Variants in AGTPBP1 observed in about 807,000 individuals in gnomAD.
AGTPBP1 encodes cytosolic carboxypeptidase 1.
In AGTPBP1, 70 loss-of-function variants were observed where a neutral mutation model predicts 143.9. The observed-to-expected ratio is 0.49, with a 90% CI of 0.40 to 0.59. The LOEUF is 0.59. Ranked by LOEUF, AGTPBP1 falls within the 20% of genes least tolerant of loss-of-function variation. AGTPBP1 has a pLI of 0.00. For missense variants in AGTPBP1, 1,229 were observed against 1,464.5 expected, an observed-to-expected ratio of 0.84 and a Z score of 2.62; for synonymous variants, 463 against 500.2, an observed-to-expected ratio of 0.93 and a Z score of 0.99.
intron 17 of AGTPBP1, among the ~76,000 whole-genome samples, chr9:85,604,022 G>T (rs1323571923): frequency 6.6e-6 from 1 of 152,206 alleles, no homozygotes; most frequent in East Asian, 1.9e-4. Context: ...CCTGAATGCT[G>T]TACAGCATTC....
At chr9:85,692,196 T>C (rs937834096) in intron 3 of AGTPBP1, among the ~76,000 whole-genome samples, 1 of 152,168 alleles carries the variant, frequency 6.6e-6, no homozygotes, top group Non-Finnish European at 1.5e-5. Context: ...GTAATCATTA[T>C]TAGAAACCAT....
At chr9:85,773,203 T>C in the AGTPBP1 span, among the ~76,000 whole-genome samples, 4 of 139,230 alleles carry the variant, frequency 2.9e-5, no homozygotes, top group African/African-American at 8.5e-5. Context: ...AGGCGGAGCT[T>C]GCAGTGAGCC....
intron 2 of AGTPBP1, 32 bp downstream of exon 2, chr9:85,712,470 C>G (rs372515144): frequency 1.6e-6 from 2 of 1,242,270 alleles, no homozygotes; most frequent in Non-Finnish European, 2.2e-6. Context: ...ATTTCTGTAA[C>G]TTATGCATAC....
At chr9:85,570,620 A>G (rs1447264047) in intron 25 of AGTPBP1, among the ~76,000 whole-genome samples, 2 of 152,150 alleles carry the variant, frequency 1.3e-5, no homozygotes, top group Non-Finnish European at 2.9e-5. Flanking sequence ...TTTTTCCATC[A>G]TACTATCGAC....
At chr9:85,782,878 A>G in the AGTPBP1 span, among the ~76,000 whole-genome samples, 1 of 152,250 alleles carries the variant, frequency 6.6e-6, no homozygotes, top group African/African-American at 2.4e-5. Flanking sequence ...TGCTATATAT[A>G]GCTAAAACTT....
upstream of AGTPBP1, chr9:85,742,013 G>C: frequency 8.3e-7 from 1 of 1,204,312 alleles, no homozygotes; most frequent in Non-Finnish European, 1.0e-6. Flanking sequence ...TTGCCAGCCG[G>C]CTCCCAGCAC....
At chr9:85,770,471 T>C in the AGTPBP1 span, 72 of 1,561,206 alleles carry the variant, frequency 4.6e-5, no homozygotes, top group African/African-American at 1.4e-5. Context: ...AGAGCTATTC[T>C]TTTCAGATAT....
At chr9:85,770,928 A>G in the AGTPBP1 span, among the ~76,000 whole-genome samples, 1 of 151,962 alleles carries the variant, frequency 6.6e-6, no homozygotes, top group Non-Finnish European at 1.5e-5. Context: ...TGAAATGAAG[A>G]TGAAGTGGTG....
At chr9:85,636,335 C>T (rs1832046667) in intron 13 of AGTPBP1, among the ~76,000 whole-genome samples, 1 of 146,478 alleles carries the variant, frequency 6.8e-6, no homozygotes, top group Non-Finnish European at 1.5e-5. Context: ...AATCTCAGCT[C>T]ACTGCAAGCT....
At chr9:85,661,613 C>A (rs926627788) in intron 8 of AGTPBP1, among the ~76,000 whole-genome samples, 9 of 151,982 alleles carry the variant, frequency 5.9e-5, no homozygotes, top group African/African-American at 2.2e-4. Flanking sequence ...AGCAATCACC[C>A]CCAAAACTGA....
chr9:85,565,606 T>G (rs960974688), intron 25 of AGTPBP1, among the ~76,000 whole-genome samples: 5 of 152,206 alleles, frequency 3.3e-5, no homozygotes, highest in Non-Finnish European at 7.3e-5. Flanking sequence ...AGTGGTCTCC[T>G]AGTTCCATCT....
intron 14 of AGTPBP1, among the ~76,000 whole-genome samples, chr9:85,622,527 A>G (rs1442499216): frequency 2.0e-5 from 3 of 152,182 alleles, no homozygotes; most frequent in Non-Finnish European, 4.4e-5. Flanking sequence ...AACAAAGGAT[A>G]CTAAAAAAAA....
chr9:85,789,871 G>A, the AGTPBP1 span, among the ~76,000 whole-genome samples: 72 of 152,246 alleles, frequency 4.7e-4, no homozygotes, highest in African/African-American at 1.7e-3. Flanking sequence ...TCCTTAGTGG[G>A]AGTTCGGTTC....
intron 11 of AGTPBP1, among the ~76,000 whole-genome samples, chr9:85,650,843 CAT>C (rs1451188798): frequency 6.6e-6 from 1 of 152,146 alleles, no homozygotes; most frequent in Admixed American, 6.5e-5. Flanking sequence ...GTATTTGGCA[CAT>C]GTGTTATCTA....
chr9:85,631,495 G>A (rs2133694425), intron 14 of AGTPBP1, among the ~76,000 whole-genome samples: 1 of 152,290 alleles, frequency 6.6e-6, no homozygotes, highest in Non-Finnish European at 1.5e-5. Context: ...AGATGCCCTG[G>A]CACAGACCCA....
rs142190634 is a variant in AGTPBP1 at position 85,737,482 on chromosome 9, G to A, written c.-34+4293C>T. ...AATTTGAGCTTTCAAGCAAAAATCC[G>A]AATTCTGGAAAACTCATATCCACCA... On this transcript the variant is annotated intron_variant, in intron 1 of 25. Transcript: ENST00000357081. Among the ~76,000 whole-genome samples the A allele has an allele frequency of 2.0e-3, 297 of 152,264 alleles. 1 individual carries two copies. The highest frequency in any genetic ancestry group is 6.0e-3 in the African/African-American group (250 of 41,546).
chr9:85,662,182 C>A (rs925488829), intron 8 of AGTPBP1, among the ~76,000 whole-genome samples: 3 of 152,098 alleles, frequency 2.0e-5, no homozygotes, highest in African/African-American at 2.4e-5. Context: ...AAGTTCACAG[C>A]AAAATCTGAA....
At chr9:85,665,110 C>A (rs1328671472) in intron 8 of AGTPBP1, among the ~76,000 whole-genome samples, 1 of 152,120 alleles carries the variant, frequency 6.6e-6, no homozygotes, top group Non-Finnish European at 1.5e-5. Flanking sequence ...AGTCCCAACC[C>A]CCAATACCTC....
chr9:85,591,181 C>CAA lies in AGTPBP1; in HGVS notation c.2568+1377_2568+1378dup, dbSNP rs59204739. On this transcript the variant is annotated intron_variant, in intron 19 of 25. Transcript: ENST00000357081. ...TACTTCAAATAGTATGTGGATATGG[C>CAA]AAAAAAAAAAAAGGGGGGGAGTACT... Among the ~76,000 whole-genome samples the CAA allele has an allele frequency of 9.5e-4, 120 of 126,466 alleles. 1 individual carries two copies. Among genetic ancestry groups the CAA allele is most frequent in the East Asian group, 4.2e-3 (20 of 4,722 alleles). 83.0% of individuals were successfully genotyped at this position (126,466 alleles called of 152,430 possible).
Sources: gnomAD v4.1 joint callset for allele counts (sites outside exome capture counted in the v4.1 genomes callset) on GRCh38, gnomAD v4.1.1 for gene constraint, MANE v1.5 for transcripts, NCBI Gene and HGNC (gene_info 2026-07-23, HGNC 2026-07-21) for gene names.